ATR: variants seen among roughly 807,000 people sequenced by gnomAD.
ATR encodes the protein serine/threonine-protein kinase ATR.
ATR carries 142 observed loss-of-function variants against 305.3 expected under a neutral mutation model. That is an observed-to-expected ratio of 0.47 (90% CI 0.41 to 0.53). ATR has a LOEUF of 0.53. ATR is among the 20% of genes least tolerant of loss of function. ATR has a pLI of 0.00. For synonymous variants in ATR, 1,050 were observed against 1,068.1 expected (o/e 0.98, Z 0.33); for missense variants, 2,135 against 3,133.1 (o/e 0.68, Z 7.60).
At chr3:142,493,036 T>C in intron 35 of ATR, 96 bp downstream of exon 35, 1 of 1,371,116 alleles carries the variant, frequency 7.3e-7, no homozygotes, top group Non-Finnish European at 9.9e-7. Flanking sequence ...CAAAAAAATT[T>C]CCTGGTTATT....
intron 26 of ATR, 24 bp downstream of exon 26, chr3:142,513,477 A>G: frequency 6.2e-7 from 1 of 1,612,180 alleles, no homozygotes; most frequent in South Asian, 1.1e-5. Context: ...ATGTTCAAAA[A>G]CCAAGTAAGA....
chr3:142,478,049 T>A (rs1559921557), intron 36 of ATR, among the ~76,000 whole-genome samples: 1 of 152,224 alleles, frequency 6.6e-6, no homozygotes, highest in Non-Finnish European at 1.5e-5. Context: ...AGCTCCTGGA[T>A]TCATTGATTT....
intron 36 of ATR, among the ~76,000 whole-genome samples, chr3:142,476,468 C>T (rs1344224331): frequency 1.3e-5 from 2 of 152,052 alleles, no homozygotes; most frequent in African/African-American, 4.8e-5. Flanking sequence ...TGTTTTGGTA[C>T]CAGTACCATG....
chr3:142,575,441 G>C (rs930971388), intron 1 of ATR, among the ~76,000 whole-genome samples: 8 of 146,918 alleles, frequency 5.4e-5, no homozygotes, highest in African/African-American at 2.0e-4. Flanking sequence ...CAGAGATCAC[G>C]CCACTGGAGA....
chr3:142,467,720 T>C (rs1044332898), intron 39 of ATR, among the ~76,000 whole-genome samples: 9 of 152,132 alleles, frequency 5.9e-5, no homozygotes, highest in Admixed American at 5.9e-4. Context: ...GAAGAACTTT[T>C]AGAAATATTA....
rs938418628 is a variant in ATR, at chr3:142,467,616, ATACT to A, written c.6687+314_6687+317del. On this transcript the variant is annotated intron_variant, in intron 39 of 46. Coordinates refer to ENST00000350721, the MANE Select transcript of ATR (RefSeq NM_001184.4). ...CCATAAGTAACTTAGAATATTTTAC[ATACT>A]TATATTTTTATGGCTTATTTCATAT... Among the ~76,000 whole-genome samples, 148 of 152,292 alleles carry A rather than the reference ATACT, an allele frequency of 9.7e-4. 2 individuals are homozygous for A. Among genetic ancestry groups the A allele is most frequent in the African/African-American group, 3.4e-3 (140 of 41,580 alleles).
intron 36 of ATR, among the ~76,000 whole-genome samples, chr3:142,483,164 C>T (rs757506881): frequency 2.7e-5 from 4 of 150,800 alleles, no homozygotes; most frequent in African/African-American, 5.0e-5. Context: ...CACCACCACC[C>T]GTGGCTTACA....
chr3:142,451,242 A>G, intron 46 of ATR: 1 of 1,197,998 alleles, frequency 8.3e-7, no homozygotes, highest in East Asian at 5.6e-5. Flanking sequence ...CAGGTGTGCA[A>G]GCTCCAGCTG....
At chr3:142,529,233 T>C (rs1653010072) in intron 21 of ATR, among the ~76,000 whole-genome samples, 1 of 151,978 alleles carries the variant, frequency 6.6e-6, no homozygotes, top group African/African-American at 2.4e-5. Flanking sequence ...ATTATTTACC[T>C]TAAAGGTAAA....
rs2108340596 is a variant in ATR at position 142,498,610 on chromosome 3, C to T, written c.5545G>A (p.Glu1849Lys). ...ATTCCAAAATACCTCACAATATATT[C>T]ATATCCTCGTTGGTAGGAGCCTCTT... The part of the protein sequence containing the change: ...FERGSYQRGY[E>K]YIVRLHMLCE... Residue 1849 changes from glutamate to lysine, a missense_variant, in exon 32 of 47, where the codon GAA (glutamate) becomes AAA (lysine). By Grantham distance (56) the Glu-to-Lys change is moderately conservative (BLOSUM62 1). Coordinates refer to ENST00000350721, the MANE Select transcript of ATR (RefSeq NM_001184.4). 1.2e-6 allele frequency: 2 copies of T among 1,613,496 alleles called. No individual in the cohort carries two copies. The highest frequency in any genetic ancestry group is 2.7e-5 in the African/African-American group (2 of 75,010).
rs553427234 is a variant in ATR, at chr3:142,504,998, C to T, written c.5196+141G>A. On this transcript the variant is annotated intron_variant, in intron 29 of 46. Coordinates refer to ENST00000350721, the MANE Select transcript of ATR (RefSeq NM_001184.4). Reference sequence around the variant, plus strand: ...GACAGAGGTTGCAGTGAGCCAAGATCATGCCACTGCACTCCAGCCTGGCCA... The same window carrying T: ...GACAGAGGTTGCAGTGAGCCAAGATTATGCCACTGCACTCCAGCCTGGCCA... 3.0e-6 allele frequency: 3 copies of T among 1,010,422 alleles called. No homozygotes were observed. The African/African-American group carries it at 4.8e-5, about 16-fold the overall frequency. The allele number at this position is 1,010,422 out of a possible 1,614,324, so 62.6% of individuals were successfully genotyped here.
At chr3:142,482,826 TGTCA>T (rs2030609440) in intron 36 of ATR, among the ~76,000 whole-genome samples, 2 of 150,496 alleles carry the variant, frequency 1.3e-5, no homozygotes, top group African/African-American at 4.9e-5. Flanking sequence ...AGTGATACTT[TGTCA>T]ATTAAAAAAA....
intron 13 of ATR, 148 bp from the exon 14 acceptor site, chr3:142,550,450 T>G: frequency 1.2e-6 from 1 of 827,588 alleles, no homozygotes; most frequent in Non-Finnish European, 1.9e-6. Context: ...CTTAATGAGG[T>G]AGACTATGTC....
intron 1 of ATR, among the ~76,000 whole-genome samples, chr3:142,576,906 T>C (rs1037138103): frequency 6.6e-6 from 1 of 152,186 alleles, no homozygotes; most frequent in Non-Finnish European, 1.5e-5. Context: ...CTAATATCTT[T>C]TTTTTTCAGT....
intron 24 of ATR, among the ~76,000 whole-genome samples, chr3:142,517,000 T>TATATATAC (rs1559957302): frequency 6.7e-6 from 1 of 148,420 alleles, no homozygotes; most frequent in Non-Finnish European, 1.5e-5. Flanking sequence ...TATATATATA[T>TATATATAC]ATATATACAT....
rs771919017 is a variant in ATR, at chr3:142,549,687, C to A, written c.2977-14G>T. 2 of 1,609,588 alleles carry A rather than the reference C, an allele frequency of 1.2e-6. No individual in the cohort carries two copies. The highest frequency in any genetic ancestry group is 1.7e-6 in the Non-Finnish European group (2 of 1,177,254). ...TTGTAATGTCCTCTGAAAAAGAATG[C>A]AACAATTACCAAAAAGTACATTTGT... On this transcript the variant is annotated splice_polypyrimidine_tract_variant and intron_variant, in intron 14 of 46. Transcript: ENST00000350721.
At chr3:142,515,589 C>T in intron 24 of ATR, 74 bp from the exon 25 acceptor site, 2 of 1,427,186 alleles carry the variant, frequency 1.4e-6, no homozygotes, top group Non-Finnish European at 1.9e-6. Context: ...ACAGCAACTC[C>T]TTCAGTTGAC....
intron 27 of ATR, among the ~76,000 whole-genome samples, chr3:142,509,098 GT>G (rs1441480729): frequency 3.3e-5 from 5 of 152,066 alleles, no homozygotes. Context: ...TGATTCATAA[GT>G]GTGTAGAAAA....
intron 1 of ATR, among the ~76,000 whole-genome samples, chr3:142,572,608 A>G (rs1053997317): frequency 2.0e-5 from 3 of 151,710 alleles, no homozygotes; most frequent in African/African-American, 7.3e-5. Flanking sequence ...CCCTGTCTCT[A>G]CAAAAGAAAT....
Sources: gnomAD v4.1 joint callset for allele counts (sites outside exome capture counted in the v4.1 genomes callset) on GRCh38, gnomAD v4.1.1 for gene constraint, MANE v1.5 for transcripts, NCBI Gene and HGNC (gene_info 2026-07-23, HGNC 2026-07-21) for gene names.